The following CREB5 variants were observed in gnomAD, a reference collection of about 807,000 sequenced individuals.
CREB5 encodes the protein cyclic AMP-responsive element-binding protein 5.
Under a neutral mutation model 57.1 loss-of-function variants are expected in CREB5, and 19 were observed. That is an observed-to-expected ratio of 0.33 (90% CI 0.23 to 0.49). The LOEUF (loss-of-function observed/expected upper bound fraction) is 0.49, where lower values mean the gene tolerates loss of function less well. Ranked by LOEUF, CREB5 falls within the 20% of genes least tolerant of loss-of-function variation. The probability of loss-of-function intolerance (pLI) is 0.99; values close to 1 mark genes in which losing one functional copy is unlikely to be tolerated. For missense variants in CREB5, 579 were observed against 671.6 expected, an observed-to-expected ratio of 0.86 and a Z score of 1.52; for synonymous variants, 238 against 238.3, an observed-to-expected ratio of 1.00 and a Z score of 0.01.
intron 5 of CREB5, among the ~76,000 whole-genome samples, chr7:28,708,339 A>G (rs1043646876): frequency 3.3e-5 from 5 of 152,286 alleles, no homozygotes; most frequent in African/African-American, 1.2e-4. Context: ...CCACCGACAC[A>G]TCCCTCCCCT....
At chr7:28,765,635 A>G (rs1805921875) in intron 7 of CREB5, among the ~76,000 whole-genome samples, 1 of 152,228 alleles carries the variant, frequency 6.6e-6, no homozygotes, top group Non-Finnish European at 1.5e-5. Context: ...CAGCAATAAA[A>G]AAAGACGAAA....
upstream of CREB5, among the ~76,000 whole-genome samples, chr7:28,411,320 G>A (rs920107351): frequency 6.6e-6 from 1 of 152,170 alleles, no homozygotes; most frequent in Non-Finnish European, 1.5e-5. Context: ...AAAGGATCAA[G>A]ACTAAACGTT....
At chr7:28,754,474 T>G (rs1448843173) in intron 7 of CREB5, among the ~76,000 whole-genome samples, 1 of 152,230 alleles carries the variant, frequency 6.6e-6, no homozygotes, top group Non-Finnish European at 1.5e-5. Flanking sequence ...ACCTTCCGTT[T>G]CCTACTGCCC....
chr7:28,780,159 C>T (rs1321195025), intron 7 of CREB5, among the ~76,000 whole-genome samples: 1 of 152,172 alleles, frequency 6.6e-6, no homozygotes, highest in Non-Finnish European at 1.5e-5. Flanking sequence ...CTTTTCATCT[C>T]CCACACATCG....
chr7:28,734,815 G>A (rs1296760883), intron 7 of CREB5, among the ~76,000 whole-genome samples: 1 of 152,104 alleles, frequency 6.6e-6, no homozygotes, highest in Non-Finnish European at 1.5e-5. Context: ...GCAAGATTTT[G>A]CCAATTTTTG....
At chr7:28,639,659 C>G (rs958448123) in intron 5 of CREB5, among the ~76,000 whole-genome samples, 3 of 152,106 alleles carry the variant, frequency 2.0e-5, no homozygotes, top group African/African-American at 7.2e-5. Context: ...CAAGGACTTA[C>G]CTGACAGTCA....
intron 1 of CREB5, among the ~76,000 whole-genome samples, chr7:28,473,797 A>G (rs1410374581): frequency 6.6e-6 from 1 of 152,162 alleles, no homozygotes; most frequent in Non-Finnish European, 1.5e-5. Context: ...TGCCCGGCTT[A>G]TTTGGCCAGA....
chr7:28,551,951 T>TTCTCTCTTTCTCTCTC, intron 4 of CREB5, among the ~76,000 whole-genome samples: 3 of 141,918 alleles, frequency 2.1e-5, no homozygotes, highest in African/African-American at 6.0e-5. Flanking sequence ...CTCTTTTTTA[T>TTCTCTCTTTCTCTCTC]TCTTTCTCTT....
chr7:28,758,199 C>T lies in CREB5; in HGVS notation c.702+33867C>T, dbSNP rs150769400. On this transcript the variant is annotated intron_variant, in intron 7 of 10. Coordinates refer to ENST00000357727, the MANE Select transcript of CREB5 (RefSeq NM_182898.4). ...ATCGAGGCTCAGGTAGACCTACTAA[C>T]GAGTCAATGGCAGGACAGGATTTGT... Among the ~76,000 whole-genome samples the T allele has an allele frequency of 8.9e-3, 1,356 of 152,240 alleles. 15 individuals are homozygous for T. The highest frequency in any genetic ancestry group is 0.03 in the African/African-American group (1,242 of 41,550).
intron 1 of CREB5, among the ~76,000 whole-genome samples, chr7:28,480,526 A>C (rs546594316): frequency 6.7e-6 from 1 of 150,204 alleles, no homozygotes; most frequent in East Asian, 1.9e-4. Context: ...CTTTTTGTGC[A>C]CAGTGAGAGC....
At chr7:28,409,866 T>C (rs1787697783), upstream of CREB5, 1 of 454,048 alleles carries the variant, frequency 2.2e-6, no homozygotes, top group African/African-American at 2.0e-5. This position sits in a 1 kb window ranked among gnomAD's most constrained non-coding sequence, Gnocchi z 4.4. Context: ...GGGGACCAGT[T>C]ATGAATCGGG....
intron 4 of CREB5, among the ~76,000 whole-genome samples, chr7:28,514,519 C>T (rs1161147656): frequency 1.3e-5 from 2 of 152,164 alleles, no homozygotes; most frequent in African/African-American, 4.8e-5. Context: ...CCTCAGCCTC[C>T]AGAGTAGCTG....
Position 28,819,311 on chromosome 7 carries a change from G to A in CREB5, c.*32G>A. The stretch of plus-strand genomic sequence containing the variant: ...CCATCAGACCTGGCCTCCAAGAAGA[G>A]CTGTAGCGTACCATGCGTCCTTTCT... On this transcript the variant is annotated 3_prime_UTR_variant, in exon 11 of 11. Coordinates refer to ENST00000357727, the MANE Select transcript of CREB5 (RefSeq NM_182898.4). 7 of 1,604,376 alleles carry A rather than the reference G, an allele frequency of 4.4e-6. No homozygotes were observed. Among genetic ancestry groups the A allele is most frequent in the Non-Finnish European group, 6.0e-6 (7 of 1,175,190 alleles).
chr7:28,511,142 G>A (rs1178688447), intron 4 of CREB5, among the ~76,000 whole-genome samples: 1 of 152,008 alleles, frequency 6.6e-6, no homozygotes, highest in Non-Finnish European at 1.5e-5. Context: ...TCTATAACAT[G>A]TCAGATGGTG....
At chr7:28,336,073 T>C (rs1785816792) in intron 1 of CREB5, among the ~76,000 whole-genome samples, 1 of 152,160 alleles carries the variant, frequency 6.6e-6, no homozygotes, top group Admixed American at 6.5e-5. Context: ...ATGATCTTTT[T>C]AATATGGTAT....
intron 4 of CREB5, among the ~76,000 whole-genome samples, chr7:28,511,173 A>T (rs445392): frequency 0.52 from 78,845 of 151,452 alleles, 20,685 homozygotes; most frequent in Non-Finnish European, 0.54. Flanking sequence ...TGGAGAAAGG[A>T]ATAGCAGGGA....
chr7:28,796,747 C>A (rs1297740071), intron 7 of CREB5, among the ~76,000 whole-genome samples: 1 of 152,196 alleles, frequency 6.6e-6, no homozygotes, highest in Non-Finnish European at 1.5e-5. Flanking sequence ...AACTTGGATC[C>A]TTTCTCTGAT....
At chr7:28,711,345 G>A (rs1042746717) in intron 5 of CREB5, among the ~76,000 whole-genome samples, 5 of 152,170 alleles carry the variant, frequency 3.3e-5, no homozygotes, top group East Asian at 3.8e-4. Context: ...CTAAGAAAGC[G>A]TGGAAAGAGA....
Position 28,674,441 on chromosome 7 carries a change from C to T in CREB5, c.465-44312C>T, listed in dbSNP as rs78398094. On this transcript the variant is annotated intron_variant, in intron 5 of 10. Coordinates refer to ENST00000357727, the MANE Select transcript of CREB5 (RefSeq NM_182898.4). ...CCACTTCCTGGTTTTCCTCCCAGGT[C>T]GCTGGCTAATCCTTCTCTGCCCACC... Among the ~76,000 whole-genome samples the T allele has an allele frequency of 1.5e-4, 23 of 152,248 alleles. No individual in the cohort carries two copies. In the East Asian group the frequency reaches 4.3e-3, roughly 28 times the overall value.
Sources: allele counts gnomAD v4.1 joint callset (sites outside exome capture counted in the v4.1 genomes callset), GRCh38; gene constraint gnomAD v4.1.1; non-coding constraint Gnocchi (gnomAD v3.1); transcripts MANE v1.5; gene names NCBI Gene and HGNC (gene_info 2026-07-23, HGNC 2026-07-21).